The following C20orf203 variants were observed in gnomAD, a reference collection of about 807,000 sequenced individuals.
C20orf203 encodes the protein chromosome 20 open reading frame 203, also known as uncharacterized protein C20orf203.
C20orf203 carries 16 observed loss-of-function variants against 15.9 expected under a neutral mutation model. The observed-to-expected ratio is 1.01, with a 90% CI of 0.68 to 1.53. C20orf203 has a LOEUF of 1.53. Ranked by LOEUF, C20orf203 falls within the 40% of genes most tolerant of loss-of-function variation. The probability of loss-of-function intolerance (pLI) is 0.00; values close to 1 mark genes in which losing one functional copy is unlikely to be tolerated. For synonymous variants in C20orf203, 98 were observed against 97.2 expected (o/e 1.01, Z -0.05); for missense variants, 263 against 247.5 (o/e 1.06, Z -0.42).
chr20:32,656,180 A>C (rs1190557617), intron 1 of C20orf203, among the ~76,000 whole-genome samples: 1 of 152,356 alleles, frequency 6.6e-6, no homozygotes, highest in East Asian at 1.9e-4. Flanking sequence ...CAAATTACTC[A>C]GTCTCAGCTA....
Position 32,649,989 on chromosome 20 carries a change from G to A in C20orf203, c.*443C>T, listed in dbSNP as rs1006803958. Reference sequence around the variant, plus strand: ...TGTCCTGAGGTCCAGCATTCTCAGAGGAGCTTTCTGGGCTCTGGAAGAGAG... The same window carrying A: ...TGTCCTGAGGTCCAGCATTCTCAGAAGAGCTTTCTGGGCTCTGGAAGAGAG... On this transcript the variant is annotated 3_prime_UTR_variant, in exon 4 of 6. Transcript: ENST00000608990. 1 of 163,442 alleles carries A rather than the reference G, an allele frequency of 6.1e-6. No homozygotes were observed. Among genetic ancestry groups the A allele is most frequent in the African/African-American group, 2.4e-5 (1 of 41,748 alleles). The allele number at this position is 163,442 out of a possible 1,614,324, so 10.1% of individuals were successfully genotyped here. A position where few individuals can be genotyped will look rare whatever the true frequency, so the allele number is the denominator to read the frequency against.
chr20:32,650,316 C>G lies in C20orf203; in HGVS notation c.*116G>C. ...TTCAGCTGGGCGTGCCGGGCCCATC[C>G]CCCACTCTGGGGAGCAGAATGATTG... On this transcript the variant is annotated 3_prime_UTR_variant, in exon 4 of 6. Coordinates refer to ENST00000608990, the MANE Select transcript of C20orf203 (RefSeq NM_182584.4). The G allele has an allele frequency of 1.3e-6, 1 of 761,566 alleles. No individual in the cohort carries two copies. The highest frequency in any genetic ancestry group is 2.1e-6 in the Non-Finnish European group (1 of 466,640). 47.2% of individuals were successfully genotyped at this position (761,566 alleles called of 1,614,324 possible).
At position 32,650,300 on chromosome 20, in the gene C20orf203, G is replaced by A. The variant is rs1459231108; in HGVS notation, c.*132C>T. 3 of 668,024 alleles carry A rather than the reference G, an allele frequency of 4.5e-6. No individual in the cohort carries two copies. The highest frequency in any genetic ancestry group is 2.9e-5 in the Admixed American group (1 of 35,044). 41.4% of individuals were successfully genotyped at this position (668,024 alleles called of 1,614,324 possible). A position where few individuals can be genotyped will look rare whatever the true frequency, so the allele number is the denominator to read the frequency against. The stretch of plus-strand genomic sequence containing the variant: ...AGAATCTCCTTGAGGTTTCAGCTGG[G>A]CGTGCCGGGCCCATCCCCCACTCTG... On this transcript the variant is annotated 3_prime_UTR_variant, in exon 4 of 6. Transcript: ENST00000608990.
intron 1 of C20orf203, among the ~76,000 whole-genome samples, chr20:32,672,759 TC>T (rs1405268950): frequency 4.6e-5 from 7 of 151,356 alleles, no homozygotes; most frequent in Admixed American, 2.6e-4. Flanking sequence ...CTCCCCTGCC[TC>T]CCCCAAGCTC....
In C20orf203 at chr20:32,632,142, C is replaced by T. The variant is rs1982011935; in HGVS notation, c.*3428G>A. 6.6e-6 allele frequency: 1 copy of T among 152,268 alleles called. No homozygotes were observed. The highest frequency in any genetic ancestry group is 2.4e-5 in the African/African-American group (1 of 41,460). The allele number at this position is 152,268 out of a possible 1,614,324, so 9.4% of individuals were successfully genotyped here. On this transcript the variant is annotated 3_prime_UTR_variant, in exon 6 of 6. Transcript: ENST00000608990. The stretch of plus-strand genomic sequence containing the variant: ...TGGAACCCAGAGCAGTCTCCCCAGC[C>T]TGGGCTTGCATTTGAGCCTCACAAA...
intron 5 of C20orf203, among the ~76,000 whole-genome samples, chr20:32,639,948 G>A (rs529063440): frequency 2.6e-5 from 4 of 152,314 alleles, no homozygotes; most frequent in South Asian, 2.1e-4. Flanking sequence ...ACCATGTGCC[G>A]TTCGTGGGCG....
Position 32,651,112 on chromosome 20 carries a change from A to C in C20orf203, c.41T>G (p.Ile14Ser). 7.4e-7 allele frequency: 1 copy of C among 1,353,786 alleles called. No homozygotes were observed. The highest frequency in any genetic ancestry group is 1.0e-6 in the Non-Finnish European group (1 of 989,242). The allele number at this position is 1,353,786 out of a possible 1,614,324, so 83.9% of individuals were successfully genotyped here. A position where few individuals can be genotyped will look rare whatever the true frequency, so the allele number is the denominator to read the frequency against. The change falls in exon 3 of 6, where the codon ATT (isoleucine) becomes AGT (serine). Residue 14 changes from isoleucine to serine, a missense_variant. By Grantham distance (142) the Ile-to-Ser change is moderately radical (BLOSUM62 -2). Coordinates refer to ENST00000608990, the MANE Select transcript of C20orf203 (RefSeq NM_182584.4). ...CATGTTGGGAGGCTGAGGCAGGAGA[A>C]TCGCTTGAGCCCGGGAGTTCAAGAC... ...RPVLNSRAQA[I>S]LLPQPPNMLD...
At chr20:32,645,322 A>G (rs1982394645) in intron 4 of C20orf203, among the ~76,000 whole-genome samples, 1 of 152,212 alleles carries the variant, frequency 6.6e-6, no homozygotes, top group African/African-American at 2.4e-5. Context: ...CCTCAGGTGC[A>G]GCCTCCTGCC....
At chr20:32,653,176 G>A (rs1209147380) in intron 1 of C20orf203, among the ~76,000 whole-genome samples, 1 of 152,120 alleles carries the variant, frequency 6.6e-6, no homozygotes, top group Non-Finnish European at 1.5e-5. Context: ...GAGATGGTCA[G>A]AGTTGGAAGA....
chr20:32,636,601 T>C (rs1420394584), intron 5 of C20orf203, among the ~76,000 whole-genome samples: 3 of 152,158 alleles, frequency 2.0e-5, no homozygotes, highest in African/African-American at 7.2e-5. Flanking sequence ...TCCTGCCTCA[T>C]CGCTCACTGA....
At chr20:32,657,918 C>G (rs1982801337) in intron 1 of C20orf203, 1 of 151,570 alleles carries the variant, frequency 6.6e-6, no homozygotes, top group Non-Finnish European at 1.5e-5. Flanking sequence ...TGAGATTGCG[C>G]CACTGCACTC....
At chr20:32,664,075 C>G (rs1982961832) in intron 1 of C20orf203, among the ~76,000 whole-genome samples, 1 of 152,232 alleles carries the variant, frequency 6.6e-6, no homozygotes, top group South Asian at 2.1e-4. Context: ...CACCCTCCCA[C>G]TGTGGCCCCG....
intron 4 of C20orf203, among the ~76,000 whole-genome samples, chr20:32,641,330 A>C (rs1253482900): frequency 2.9e-5 from 4 of 136,994 alleles, no homozygotes; most frequent in Admixed American, 7.3e-5. Context: ...GCACTCAAAA[A>C]CTCAAAAAAA....
chr20:32,637,898 A>G (rs567769536), intron 5 of C20orf203, among the ~76,000 whole-genome samples: 7 of 151,550 alleles, frequency 4.6e-5, no homozygotes, highest in Admixed American at 1.3e-4. Context: ...GTGTGTGTGC[A>G]TGTGCCTGTG....
chr20:32,646,308 C>T (rs1475538582), intron 4 of C20orf203, among the ~76,000 whole-genome samples: 14 of 151,752 alleles, frequency 9.2e-5, no homozygotes, highest in Non-Finnish European at 1.6e-4. Flanking sequence ...TGGGTTCAAG[C>T]GATTCTCCCA....
intron 1 of C20orf203, among the ~76,000 whole-genome samples, chr20:32,669,063 A>G (rs535451085): frequency 6.6e-6 from 1 of 152,322 alleles, no homozygotes; most frequent in African/African-American, 2.4e-5. Context: ...AGGAAGCCTT[A>G]GTGCATGCAG....
In C20orf203 at chr20:32,651,327, C is replaced by T. The variant is rs369655554; in HGVS notation, c.-14-161G>A. Among the ~76,000 whole-genome samples, 20 of 148,428 alleles carry T rather than the reference C, an allele frequency of 1.3e-4. No homozygotes were observed. In the South Asian group the frequency reaches 4.3e-3, roughly 32 times the overall value. Reference sequence around the variant, plus strand: ...TCGCCCCACTACACTCCAAAGTGGGCAACAGAGCGAAACCCTATTCAAAAA... The same window carrying T: ...TCGCCCCACTACACTCCAAAGTGGGTAACAGAGCGAAACCCTATTCAAAAA... On this transcript the variant is annotated intron_variant, in intron 2 of 5. Transcript: ENST00000608990.
At chr20:32,673,419 A>G (rs1983222660) in intron 1 of C20orf203, among the ~76,000 whole-genome samples, 1 of 152,098 alleles carries the variant, frequency 6.6e-6, no homozygotes, top group South Asian at 2.1e-4. Context: ...CTCAACGGCC[A>G]CACGGTCCCC....
intron 4 of C20orf203, among the ~76,000 whole-genome samples, chr20:32,641,151 T>G (rs1021038622): frequency 6.6e-6 from 1 of 151,996 alleles, no homozygotes; most frequent in Non-Finnish European, 1.5e-5. Flanking sequence ...AGACCCTGTC[T>G]CTACAAAATA....
Sources: gnomAD v4.1 joint callset for allele counts (sites outside exome capture counted in the v4.1 genomes callset) on GRCh38, gnomAD v4.1.1 for gene constraint, MANE v1.5 for transcripts, NCBI Gene and HGNC (gene_info 2026-07-23, HGNC 2026-07-21) for gene names.